Variants in ZCCHC24 observed in about 807,000 individuals in gnomAD.
ZCCHC24 encodes zinc finger CCHC domain-containing protein 24.
ZCCHC24 carries 10 observed loss-of-function variants against 26.2 expected under a neutral mutation model. The ratio of observed to expected loss-of-function variants is 0.38; its 90% CI spans 0.24 to 0.65. ZCCHC24 has a LOEUF of 0.65. Ranked by LOEUF, ZCCHC24 falls within the 30% of genes least tolerant of loss-of-function variation. The pLI, the probability that ZCCHC24 is intolerant of heterozygous loss-of-function variation, is 0.54. For synonymous variants in ZCCHC24, 144 were observed against 147.1 expected (o/e 0.98, Z 0.15); for missense variants, 243 against 329.1 (o/e 0.74, Z 2.03).
At chr10:79,415,053 G>A (rs1464708954) in intron 2 of ZCCHC24, among the ~76,000 whole-genome samples, 1 of 152,160 alleles carries the variant, frequency 6.6e-6, no homozygotes, top group Non-Finnish European at 1.5e-5. Flanking sequence ...TGTCTCAGAG[G>A]ACTTCTGCCC....
chr10:79,394,789 TC>T (rs1856523588), intron 2 of ZCCHC24, among the ~76,000 whole-genome samples: 1 of 152,198 alleles, frequency 6.6e-6, no homozygotes, highest in South Asian at 2.1e-4. Flanking sequence ...ACACAGGCAC[TC>T]TTTGGCCTAC....
At chr10:79,405,693 G>A (rs1171464692) in intron 2 of ZCCHC24, among the ~76,000 whole-genome samples, 2 of 152,356 alleles carry the variant, frequency 1.3e-5, no homozygotes, top group East Asian at 1.9e-4. Context: ...GTCAAGAGGT[G>A]GAAAGGCCTC....
chr10:79,428,768 T>C (rs1245469037), intron 2 of ZCCHC24, among the ~76,000 whole-genome samples: 1 of 151,900 alleles, frequency 6.6e-6, no homozygotes, highest in East Asian at 1.9e-4. Context: ...GGACTCAAAT[T>C]GCAAGAATCA....
intron 2 of ZCCHC24, among the ~76,000 whole-genome samples, chr10:79,402,603 G>A (rs1455909193): frequency 6.6e-6 from 1 of 152,204 alleles, no homozygotes; most frequent in Non-Finnish European, 1.5e-5. Context: ...TCTTCCATGT[G>A]AGGGGGCTGC....
intron 2 of ZCCHC24, among the ~76,000 whole-genome samples, chr10:79,429,638 T>C (rs982389965): frequency 1.3e-5 from 2 of 152,172 alleles, no homozygotes; most frequent in Non-Finnish European, 2.9e-5. Flanking sequence ...TTCAAGGTGA[T>C]GACAATGTTC....
intron 2 of ZCCHC24, 39 bp downstream of exon 2, chr10:79,432,519 G>C (rs752242896): frequency 2.5e-6 from 4 of 1,579,864 alleles, no homozygotes; most frequent in Non-Finnish European, 3.4e-6. Flanking sequence ...AGGTCAGTAG[G>C]GGAGCCCAAG....
At chr10:79,442,462 C>T (rs1314527404) in intron 1 of ZCCHC24, among the ~76,000 whole-genome samples, 1 of 152,228 alleles carries the variant, frequency 6.6e-6, no homozygotes, top group East Asian at 1.9e-4. Flanking sequence ...TGTCCTCACC[C>T]CCCCTCAAAT....
intron 1 of ZCCHC24, among the ~76,000 whole-genome samples, chr10:79,440,814 T>C (rs1008112619): frequency 6.6e-6 from 1 of 152,200 alleles, no homozygotes; most frequent in Non-Finnish European, 1.5e-5. Context: ...TACTGATTAC[T>C]AATGCTGTCT....
At chr10:79,398,095 G>T (rs1340509070) in intron 2 of ZCCHC24, among the ~76,000 whole-genome samples, 1 of 152,200 alleles carries the variant, frequency 6.6e-6, no homozygotes, top group Non-Finnish European at 1.5e-5. Flanking sequence ...AAGGGATGGG[G>T]CCCCAGCCTC....
intron 3 of ZCCHC24, among the ~76,000 whole-genome samples, chr10:79,389,923 T>G (rs1231790916): frequency 2.6e-5 from 4 of 152,164 alleles, no homozygotes; most frequent in Admixed American, 2.6e-4. Context: ...GCTGACTGTC[T>G]TTTTTAGAGA....
intron 2 of ZCCHC24, among the ~76,000 whole-genome samples, chr10:79,401,053 G>A (rs550855770): frequency 2.3e-4 from 35 of 152,374 alleles, no homozygotes; most frequent in African/African-American, 7.9e-4. Context: ...TTTGGTTGTT[G>A]AGGCAGAGAA....
intron 3 of ZCCHC24, among the ~76,000 whole-genome samples, chr10:79,390,527 T>C (rs12769165): frequency 1.1e-4 from 16 of 152,210 alleles, no homozygotes; most frequent in African/African-American, 3.6e-4. Flanking sequence ...TCATCTGAGC[T>C]GTGCCCCCTC....
At chr10:79,402,314 C>T (rs1487149842) in intron 2 of ZCCHC24, among the ~76,000 whole-genome samples, 1 of 151,994 alleles carries the variant, frequency 6.6e-6, no homozygotes, top group African/African-American at 2.4e-5. Flanking sequence ...CTCGCTCTGT[C>T]ACCCAGGCTG....
intron 2 of ZCCHC24, among the ~76,000 whole-genome samples, chr10:79,423,420 G>A (rs1386468606): frequency 6.7e-6 from 1 of 150,056 alleles, no homozygotes; most frequent in East Asian, 2.0e-4. Context: ...GCGTAGTGGC[G>A]GGCGCCTGTA....
At chr10:79,394,226 AGTT>A in intron 3 of ZCCHC24, 47 bp downstream of exon 3, 1 of 1,584,402 alleles carries the variant, frequency 6.3e-7, no homozygotes, top group Non-Finnish European at 8.6e-7. Context: ...GTAAGGGAAA[AGTT>A]GCCCTCCCGC....
intron 1 of ZCCHC24, chr10:79,444,230 C>T: frequency 6.7e-7 from 1 of 1,483,204 alleles, no homozygotes; most frequent in Non-Finnish European, 9.0e-7. Context: ...GTCTGAAATT[C>T]CCAAATGAGG....
At chr10:79,387,182 C>A (rs1168346616) in intron 3 of ZCCHC24, among the ~76,000 whole-genome samples, 1 of 152,156 alleles carries the variant, frequency 6.6e-6, no homozygotes, top group African/African-American at 2.4e-5. Flanking sequence ...AACAAGGAAC[C>A]TGAGGCCCAG....
chr10:79,403,535 C>T (rs914678202), intron 2 of ZCCHC24: 1 of 985,408 alleles, frequency 1.0e-6, no homozygotes, highest in Non-Finnish European at 1.2e-6. Flanking sequence ...GTCAGAGGGA[C>T]AGGTGGGCTG....
intron 2 of ZCCHC24, among the ~76,000 whole-genome samples, chr10:79,431,580 T>C (rs1439393541): frequency 3.3e-5 from 5 of 152,272 alleles, no homozygotes; most frequent in African/African-American, 1.2e-4. Context: ...TGAAGCATGG[T>C]GTGGCCGTTT....
Sources: allele counts gnomAD v4.1 joint callset (sites outside exome capture counted in the v4.1 genomes callset), GRCh38; gene constraint gnomAD v4.1.1; transcripts MANE v1.5; gene names NCBI Gene and HGNC (gene_info 2026-07-23, HGNC 2026-07-21).